The following ST3GAL6 variants were observed in gnomAD, a reference collection of about 807,000 sequenced individuals.
ST3GAL6 encodes the protein type 2 lactosamine alpha-2,3-sialyltransferase.
In ST3GAL6, 31 loss-of-function variants were observed where a neutral mutation model predicts 40.5. The observed-to-expected ratio is 0.77, with a 90% confidence interval of 0.58 to 1.03. The LOEUF is 1.03. Among genes scored for constraint, ST3GAL6 ranks in the 50% least tolerant of loss-of-function variants. The probability of loss-of-function intolerance (pLI) is 0.00; values close to 1 mark genes in which losing one functional copy is unlikely to be tolerated. For synonymous variants in ST3GAL6, 129 were observed against 136.9 expected, an observed-to-expected ratio of 0.94 and a Z score of 0.40; for missense variants, 357 against 393.2, an observed-to-expected ratio of 0.91 and a Z score of 0.78.
At chr3:98,732,864 A>T (rs1356395525) in intron 1 of ST3GAL6, 2 of 1,511,730 alleles carry the variant, frequency 1.3e-6, no homozygotes, top group East Asian at 2.6e-5. Flanking sequence ...CTGCGGCCCG[A>T]TGTGGCAGGC....
intron 1 of ST3GAL6, among the ~76,000 whole-genome samples, chr3:98,736,911 G>T (rs1398318686): frequency 1.3e-5 from 2 of 152,154 alleles, no homozygotes; most frequent in African/African-American, 2.4e-5. Context: ...GACGGAGTGG[G>T]AGGAGATGTA....
In ST3GAL6 at chr3:98,757,631, G is replaced by A. The variant is rs1937515681; in HGVS notation, c.-11-10799G>A. Among the ~76,000 whole-genome samples the A allele has an allele frequency of 2.0e-5, 3 of 152,236 alleles. No individual in the cohort carries two copies. In the South Asian group the frequency reaches 6.2e-4, roughly 32 times the overall value. On this transcript the variant is annotated intron_variant, in intron 1 of 9. Transcript: ENST00000265261. ...TGCTCCTGGACTCTAGTACGTGCTT[G>A]GGTTCAAGTCCCAGCTCTGTCACTT...
At chr3:98,736,778 C>T (rs1935582588) in intron 1 of ST3GAL6, among the ~76,000 whole-genome samples, 1 of 151,894 alleles carries the variant, frequency 6.6e-6, no homozygotes. Context: ...TTATGGGGGG[C>T]AGAGTCAAAA....
At chr3:98,777,353 C>G (rs776078234) in intron 5 of ST3GAL6, among the ~76,000 whole-genome samples, 1 of 152,172 alleles carries the variant, frequency 6.6e-6, no homozygotes, top group African/African-American at 2.4e-5. Flanking sequence ...TGAGAGTATT[C>G]GTACCATGGG....
intron 5 of ST3GAL6, among the ~76,000 whole-genome samples, chr3:98,780,368 G>A (rs9811305): frequency 0.42 from 64,192 of 151,984 alleles, 13,714 homozygotes; most frequent in Non-Finnish European, 0.45. Flanking sequence ...TTTACCAGGA[G>A]GAAAAGTGGA....
rs1436396588 is a variant in ST3GAL6 at position 98,782,522 on chromosome 3, C to T, written c.336-2423C>T. 5.1e-6 allele frequency: 3 copies of T among 586,806 alleles called. No homozygotes were observed. In the Admixed American group the frequency reaches 8.8e-5, roughly 17 times the overall value. 36.3% of individuals were successfully genotyped at this position (586,806 alleles called of 1,614,324 possible). A position where few individuals can be genotyped will look rare whatever the true frequency, so the allele number is the denominator to read the frequency against. On this transcript the variant is annotated intron_variant, in intron 5 of 9. Transcript: ENST00000483910. ...ATTTACACTCTGAACCCCAGGAGGT[C>T]CTGCACGTAGGAAGTGCCTACAATC...
rs1229984720 is a variant in ST3GAL6 at position 98,755,334 on chromosome 3, C to T, written c.-11-13096C>T. On this transcript the variant is annotated intron_variant, in intron 1 of 9. Coordinates refer to the ST3GAL6 transcript ENST00000265261. ...GTGCTGGGATTACAGGTGTGAGCCA[C>T]CGCGCCCGGCCTGAACTTATATACT... Among the ~76,000 whole-genome samples the T allele has an allele frequency of 2.6e-5, 4 of 152,174 alleles. No homozygotes were observed. In the South Asian group the frequency reaches 6.2e-4, roughly 24 times the overall value.
intron 1 of ST3GAL6, among the ~76,000 whole-genome samples, chr3:98,736,858 A>C (rs976250757): frequency 6.6e-6 from 1 of 152,216 alleles, no homozygotes; most frequent in Non-Finnish European, 1.5e-5. Context: ...CAGTGTGAGA[A>C]GAGAGTGGTT....
At chr3:98,787,996 G>A (rs1340240620) in intron 6 of ST3GAL6, 40 bp from the exon 7 acceptor site, 5 of 1,558,374 alleles carry the variant, frequency 3.2e-6, no homozygotes, top group Non-Finnish European at 4.4e-6. Flanking sequence ...GGCAGATACT[G>A]CACTTGGTCT....
chr3:98,742,284 T>A (rs1009104636), intron 1 of ST3GAL6, among the ~76,000 whole-genome samples: 1 of 152,248 alleles, frequency 6.6e-6, no homozygotes, highest in African/African-American at 2.4e-5. Flanking sequence ...TCCAAAAATA[T>A]GTTTTCTAAG....
At chr3:98,736,250 A>G (rs1281623935) in intron 1 of ST3GAL6, among the ~76,000 whole-genome samples, 5 of 152,218 alleles carry the variant, frequency 3.3e-5, no homozygotes, top group African/African-American at 1.2e-4. Flanking sequence ...GTGAAAAGTT[A>G]TCTTCTCCCC....
chr3:98,752,707 G>C (rs1270337594), intron 1 of ST3GAL6, among the ~76,000 whole-genome samples: 1 of 152,114 alleles, frequency 6.6e-6, no homozygotes, highest in South Asian at 2.1e-4. Flanking sequence ...TCCTGACCTC[G>C]TGATCTGCCC....
At position 98,773,932 on chromosome 3, in the gene ST3GAL6, G is replaced by A. The variant is rs375488242; in HGVS notation, c.284G>A (p.Arg95Gln). 1.4e-5 allele frequency: 22 copies of A among 1,612,914 alleles called. No individual in the cohort carries two copies. The highest frequency in any genetic ancestry group is 4.5e-5 in the East Asian group (2 of 44,828). ...ATTTGTTTTCTAGCGGAATATTTTC[G>A]ACTTGCTCTTTCAAAACTGCAGAGT... ...YGMRTSAEYF[R>Q]LALSKLQSCD... Residue 95 changes from arginine (R) to glutamine (Q), a missense_variant, in exon 5 of 10, where the codon CGA (arginine) becomes CAA (glutamine). Arg to Gln is a conservative substitution (Grantham distance 43). Coordinates refer to ENST00000483910, the MANE Select transcript of ST3GAL6 (RefSeq NM_001323368.2).
chr3:98,760,643 A>C (rs755413189), upstream of ST3GAL6, among the ~76,000 whole-genome samples: 1 of 152,232 alleles, frequency 6.6e-6, no homozygotes, highest in Non-Finnish European at 1.5e-5. Context: ...AAGCACCAGC[A>C]TGCAATATAA....
intron 1 of ST3GAL6, among the ~76,000 whole-genome samples, chr3:98,736,623 T>G (rs1466174564): frequency 6.6e-6 from 1 of 152,208 alleles, no homozygotes; most frequent in African/African-American, 2.4e-5. Flanking sequence ...ATATTCCATG[T>G]GGTCATCCAT....
At chr3:98,749,691 T>TC (rs1936838590) in intron 1 of ST3GAL6, among the ~76,000 whole-genome samples, 1 of 152,214 alleles carries the variant, frequency 6.6e-6, no homozygotes, top group South Asian at 2.1e-4. Flanking sequence ...AGGGGGACTT[T>TC]TAGAATCAGG....
chr3:98,745,606 A>G (rs1174638801), intron 1 of ST3GAL6, among the ~76,000 whole-genome samples: 4 of 152,150 alleles, frequency 2.6e-5, no homozygotes, highest in African/African-American at 7.2e-5. Context: ...GCTAGCAACT[A>G]TGGGAAAGTC....
chr3:98,763,100 G>A, upstream of ST3GAL6: 1 of 985,410 alleles, frequency 1.0e-6, no homozygotes, highest in African/African-American at 1.7e-5. Context: ...TGTACATTAA[G>A]GCTCAGGTCA....
rs1339340220 is a variant in ST3GAL6, at chr3:98,795,195, G to A, written c.*1434G>A. ...AACTAAAAGTTGTCAGAAGAGGTAT[G>A]AGCTGAAGAAAGAATTACTCTCTTT... is the stretch of plus-strand genomic sequence containing the variant. On this transcript the variant is annotated 3_prime_UTR_variant, in exon 10 of 10. Coordinates refer to ENST00000483910, the MANE Select transcript of ST3GAL6 (RefSeq NM_001323368.2). 6.6e-6 allele frequency: 1 copy of A among 152,196 alleles called. No homozygotes were observed. The highest frequency in any genetic ancestry group is 2.1e-4 in the South Asian group (1 of 4,832). The allele number at this position is 152,196 out of a possible 1,614,324, so 9.4% of individuals were successfully genotyped here. A position where few individuals can be genotyped will look rare whatever the true frequency, so the allele number is the denominator to read the frequency against.
Sources: gnomAD v4.1 joint callset for allele counts (sites outside exome capture counted in the v4.1 genomes callset) on GRCh38, gnomAD v4.1.1 for gene constraint, MANE v1.5 for transcripts, NCBI Gene and HGNC (gene_info 2026-07-23, HGNC 2026-07-21) for gene names.